The following SEMA3C variants were observed in gnomAD, a reference collection of about 807,000 sequenced individuals.
The protein encoded by SEMA3C is semaphorin 3C.
SEMA3C carries 47 observed loss-of-function variants against 89.4 expected under a neutral mutation model. The observed-to-expected ratio is 0.53, with a 90% CI of 0.42 to 0.67. The LOEUF is 0.67. SEMA3C is among the 30% of genes least tolerant of loss of function. SEMA3C has a pLI of 0.00. For synonymous variants in SEMA3C, 310 were observed against 320.2 expected, an observed-to-expected ratio of 0.97 and a Z score of 0.34; for missense variants, 839 against 929.1, an observed-to-expected ratio of 0.90 and a Z score of 1.26.
chr7:80,869,001 A>G (rs538904236), intron 2 of SEMA3C, among the ~76,000 whole-genome samples: 28 of 152,348 alleles, frequency 1.8e-4, no homozygotes, highest in Middle Eastern at 3.4e-3. Flanking sequence ...ACTAGTCCTA[A>G]AAACCTAAAT....
chr7:80,825,529 A>T (rs1293421054), intron 4 of SEMA3C, among the ~76,000 whole-genome samples: 1 of 152,118 alleles, frequency 6.6e-6, no homozygotes, highest in East Asian at 1.9e-4. Context: ...CAAAACAAAA[A>T]CCCCAGAGGG....
chr7:80,827,472 A>T lies in SEMA3C; in HGVS notation c.280T>A (p.Ser94Thr). 6.3e-7 allele frequency: 1 copy of T among 1,590,040 alleles called. No individual in the cohort carries two copies. The highest frequency in any genetic ancestry group is 8.5e-7 in the Non-Finnish European group (1 of 1,170,906). Residue 94 changes from serine to threonine, a missense_variant, in exon 4 of 18, where the codon TCT becomes ACT. Ser to Thr is a moderately conservative substitution (Grantham distance 58). Transcript: ENST00000265361. Reference sequence around the variant, plus strand: ...TTGCATTCTTCAACTTTGATTGTAGATGCTGGCCAGAAAACCTGCTCAGAA... The same window carrying T: ...TTGCATTCTTCAACTTTGATTGTAGTTGCTGGCCAGAAAACCTGCTCAGAA... ...QEALSVFWPA[S>T]TIKVEECKMA...
At chr7:80,842,441 C>G (rs1419188762) in intron 2 of SEMA3C, among the ~76,000 whole-genome samples, 4 of 152,072 alleles carry the variant, frequency 2.6e-5, no homozygotes, top group Non-Finnish European at 5.9e-5. Flanking sequence ...GAATATGAGA[C>G]TCAAAGTTTA....
intron 2 of SEMA3C, among the ~76,000 whole-genome samples, chr7:80,866,651 C>A (rs1323757578): frequency 2.6e-5 from 4 of 152,130 alleles, no homozygotes; most frequent in Non-Finnish European, 5.9e-5. Flanking sequence ...GCTGTCTATG[C>A]ATTCCAAAGA....
At chr7:80,813,568 A>G (rs1274551171) in intron 5 of SEMA3C, among the ~76,000 whole-genome samples, 1 of 152,244 alleles carries the variant, frequency 6.6e-6, no homozygotes, top group Non-Finnish European at 1.5e-5. Flanking sequence ...ATATTGATAT[A>G]TCCACTAATA....
chr7:80,776,219 T>C (rs1353944741), intron 12 of SEMA3C, among the ~76,000 whole-genome samples: 2 of 151,802 alleles, frequency 1.3e-5, no homozygotes, highest in Non-Finnish European at 2.9e-5. Flanking sequence ...TAGATAACAA[T>C]TGCTCATTAA....
At chr7:80,751,194 T>A (rs1445532592) in intron 16 of SEMA3C, 75 bp downstream of exon 16, 1 of 1,191,464 alleles carries the variant, frequency 8.4e-7, no homozygotes, top group African/African-American at 1.5e-5. Flanking sequence ...TCTATGACAA[T>A]GTTTCCCCTT....
At chr7:80,785,939 G>A (rs1788791557) in intron 12 of SEMA3C, among the ~76,000 whole-genome samples, 1 of 152,134 alleles carries the variant, frequency 6.6e-6, no homozygotes, top group African/African-American at 2.4e-5. Context: ...TATACTGGTT[G>A]TTAGAGACTC....
chr7:80,812,270 G>C (rs377445759), intron 5 of SEMA3C, among the ~76,000 whole-genome samples: 12 of 152,212 alleles, frequency 7.9e-5, no homozygotes, highest in African/African-American at 2.9e-4. Flanking sequence ...GGTTCTTTCT[G>C]AGCATCCTAA....
At chr7:80,884,045 A>T (rs1268435317) in intron 2 of SEMA3C, among the ~76,000 whole-genome samples, 1 of 152,210 alleles carries the variant, frequency 6.6e-6, no homozygotes, top group Non-Finnish European at 1.5e-5. Flanking sequence ...AATACTTGTT[A>T]ACATGGTACA....
intron 2 of SEMA3C, among the ~76,000 whole-genome samples, chr7:80,894,507 T>A (rs2116164947): frequency 6.6e-6 from 1 of 152,292 alleles, no homozygotes; most frequent in Non-Finnish European, 1.5e-5. Flanking sequence ...AATCACACAT[T>A]GCTCCAAAGA....
intron 5 of SEMA3C, among the ~76,000 whole-genome samples, chr7:80,815,153 A>T (rs190218804): frequency 3.5e-4 from 53 of 152,286 alleles, no homozygotes; most frequent in Middle Eastern, 3.4e-3. Context: ...GAACAATGAG[A>T]GAAAATAATA....
intron 2 of SEMA3C, among the ~76,000 whole-genome samples, chr7:80,877,323 T>C (rs2116080244): frequency 6.6e-6 from 1 of 152,340 alleles, no homozygotes; most frequent in Admixed American, 6.5e-5. Context: ...TAATTTATTA[T>C]CTATTCTGAG....
At chr7:80,894,066 G>A (rs1791677225) in intron 2 of SEMA3C, among the ~76,000 whole-genome samples, 1 of 152,036 alleles carries the variant, frequency 6.6e-6, no homozygotes, top group South Asian at 2.1e-4. Flanking sequence ...AATCTACTTT[G>A]CCATCGTTAA....
intron 2 of SEMA3C, among the ~76,000 whole-genome samples, chr7:80,898,320 C>G (rs903185765): frequency 6.6e-6 from 1 of 152,112 alleles, no homozygotes; most frequent in African/African-American, 2.4e-5. Context: ...GAGCCGAGAT[C>G]GCGCCACTGC....
intron 2 of SEMA3C, among the ~76,000 whole-genome samples, chr7:80,840,170 G>C (rs75008526): frequency 0.012 from 1,788 of 152,040 alleles, 31 homozygotes; most frequent in African/African-American, 0.04. Flanking sequence ...TAACACAGCA[G>C]GCTGTATACA....
intron 2 of SEMA3C, among the ~76,000 whole-genome samples, chr7:80,839,536 T>G (rs1373973642): frequency 2.0e-5 from 3 of 152,168 alleles, no homozygotes; most frequent in South Asian, 2.1e-4. Flanking sequence ...AAAATTTTTT[T>G]TGTGTAAAAA....
intron 17 of SEMA3C, 140 bp from the exon 18 acceptor site, chr7:80,745,447 C>A: frequency 1.3e-6 from 1 of 795,290 alleles, no homozygotes; most frequent in Admixed American, 3.1e-5. Context: ...TCTCAGTGGA[C>A]ATGAAATTTT....
At chr7:80,878,378 C>CA (rs1562920012) in intron 2 of SEMA3C, among the ~76,000 whole-genome samples, 1 of 151,788 alleles carries the variant, frequency 6.6e-6, no homozygotes, top group African/African-American at 2.4e-5. Context: ...AACTCCGTCT[C>CA]AAAAAACAAA....
Sources: gnomAD v4.1 joint callset for allele counts (sites outside exome capture counted in the v4.1 genomes callset) on GRCh38, gnomAD v4.1.1 for gene constraint, MANE v1.5 for transcripts, NCBI Gene and HGNC (gene_info 2026-07-23, HGNC 2026-07-21) for gene names.